Variants in GRK5 observed in about 807,000 individuals in gnomAD.
GRK5 encodes the protein g protein-coupled receptor kinase GRK5.
Under a neutral mutation model 78.4 loss-of-function variants are expected in GRK5, and 40 were observed. That is an observed-to-expected ratio of 0.51 (90% CI 0.40 to 0.66). The LOEUF is 0.66. Among genes scored for constraint, GRK5 ranks in the 30% least tolerant of loss-of-function variants. The pLI, the probability that GRK5 is intolerant of heterozygous loss-of-function variation, is 0.00. For synonymous variants in GRK5, 289 were observed against 296.8 expected (o/e 0.97, Z 0.27); for missense variants, 598 against 759.9 (o/e 0.79, Z 2.50).
intron 1 of GRK5, among the ~76,000 whole-genome samples, chr10:119,230,434 A>G (rs1000253409): frequency 6.6e-6 from 1 of 152,168 alleles, no homozygotes; most frequent in African/African-American, 2.4e-5. Context: ...CAATCATGGC[A>G]GAAGGCAAGG....
At position 119,313,066 on chromosome 10, in the gene GRK5, T is replaced by TGAC. The variant is rs1273298284; in HGVS notation, c.53-13449_53-13448insACG. Among the ~76,000 whole-genome samples, 10 of 151,330 alleles carry TGAC rather than the reference T, an allele frequency of 6.6e-5. No homozygotes were observed. In the East Asian group the frequency reaches 7.8e-4, roughly 12 times the overall value. On this transcript the variant is annotated intron_variant, in intron 1 of 15. Transcript: ENST00000392870. The stretch of plus-strand genomic sequence containing the variant: ...GTGGTGGTGGTAATGATGATGGTGG[T>TGAC]GGTGATGGTGGTGGTGGTGGTGATG...
intron 1 of GRK5, among the ~76,000 whole-genome samples, chr10:119,306,401 G>A (rs999197401): frequency 1.3e-5 from 2 of 152,142 alleles, no homozygotes; most frequent in Non-Finnish European, 1.5e-5. Flanking sequence ...GCGCATGTGC[G>A]CTTCTTCTAG....
intron 1 of GRK5, among the ~76,000 whole-genome samples, chr10:119,290,073 G>A (rs1040900120): frequency 2.6e-5 from 4 of 152,134 alleles, no homozygotes; most frequent in African/African-American, 9.7e-5. Context: ...CCGGCTGGGC[G>A]TGATGGCTCA....
Position 119,291,932 on chromosome 10 carries a change from T to TTTCCTCCTCTTTTTCCTCCTC in GRK5, c.53-34564_53-34563insCTTCCTCCTCTTTTTCCTCCT, listed in dbSNP as rs1554903424. On this transcript the variant is annotated intron_variant, in intron 1 of 15. Coordinates refer to ENST00000392870, the MANE Select transcript of GRK5 (RefSeq NM_005308.3). The stretch of plus-strand genomic sequence containing the variant: ...TCCTCCTCTTCTTCTTCCTCCTTCT[T>TTTCCTCCTCTTTTTCCTCCTC]TTCCTCCTCTTTTTCCTCCTTCTCC... 2.9e-3 allele frequency among the ~76,000 whole-genome samples: 258 copies of TTTCCTCCTCTTTTTCCTCCTC among 89,520 alleles called. 10 individuals carry two copies. The highest frequency in any genetic ancestry group is 4.2e-3 in the Non-Finnish European group (194 of 45,822). The allele number at this position is 89,520 out of a possible 152,430, so 58.7% of individuals were successfully genotyped here.
intron 2 of GRK5, among the ~76,000 whole-genome samples, chr10:119,332,432 T>C (rs1405613174): frequency 1.3e-5 from 2 of 152,200 alleles, no homozygotes; most frequent in Non-Finnish European, 1.5e-5. Context: ...GAACTTGTCA[T>C]GAACCTGAGT....
Position 119,423,222 on chromosome 10 carries a change from G to A in GRK5, c.396G>A (p.Lys132=). The A allele has an allele frequency of 1.2e-6, 2 of 1,614,160 alleles. No homozygotes were observed. The highest frequency in any genetic ancestry group is 1.6e-4 in the Middle Eastern group (1 of 6,062). Residue 132 remains lysine, a synonymous_variant, in exon 5 of 16, where the codon AAG becomes AAA. Transcript: ENST00000392870. ...ACCTGGTCTCCCAGACGGAGGAGAA[G>A]CTCCTACAGAAGCCGTGCAAAGAAC... ...GQDLVSQTEE[K]LLQKPCKELF... is the part of the protein sequence containing the mutation.
intron 2 of GRK5, among the ~76,000 whole-genome samples, chr10:119,363,518 G>A (rs555520470): frequency 3.8e-4 from 58 of 152,336 alleles, no homozygotes; most frequent in Non-Finnish European, 6.9e-4. Flanking sequence ...TAAACAAGGT[G>A]GAAGCCGGTT....
intron 11 of GRK5, among the ~76,000 whole-genome samples, chr10:119,443,218 C>T (rs1335427115): frequency 6.6e-6 from 1 of 152,128 alleles, no homozygotes; most frequent in Non-Finnish European, 1.5e-5. Flanking sequence ...CACCTTTATT[C>T]ATTGAAACAA....
At chr10:119,220,384 TAAGG>T (rs1848638729) in intron 1 of GRK5, among the ~76,000 whole-genome samples, 1 of 152,198 alleles carries the variant, frequency 6.6e-6, no homozygotes, top group Admixed American at 6.5e-5. Flanking sequence ...AAATATAAAT[TAAGG>T]AAGGAGAAAC....
At chr10:119,409,075 G>A (rs1346046288) in intron 4 of GRK5, among the ~76,000 whole-genome samples, 3 of 152,202 alleles carry the variant, frequency 2.0e-5, no homozygotes, top group African/African-American at 4.8e-5. Context: ...TCGGGCTGAC[G>A]TCCAGAGGCT....
Position 119,452,701 on chromosome 10 carries a change from G to C in GRK5, c.1435G>C (p.Asp479His), listed in dbSNP as rs540786452. Residue 479 changes from aspartate (D) to histidine (H), a missense_variant, in exon 14 of 16, where the codon GAC becomes CAC. Coordinates refer to ENST00000392870, the MANE Select transcript of GRK5 (RefSeq NM_005308.3). The surrounding 1 kb of genome is among the most constrained non-coding windows in gnomAD (Gnocchi z 4.4). ...PRAVYCKDVL[D>H]IEQFSTVKGV... ...CGCTGTGTACTGTAAGGACGTGCTG[G>C]ACATCGAGCAGTTCTCCACTGTGAA... The C allele has an allele frequency of 6.2e-7, 1 of 1,614,022 alleles. No individual in the cohort carries two copies. The highest frequency in any genetic ancestry group is 1.3e-5 in the African/African-American group (1 of 74,940).
chr10:119,297,006 C>A (rs1850092832), intron 1 of GRK5, among the ~76,000 whole-genome samples: 1 of 152,256 alleles, frequency 6.6e-6, no homozygotes, highest in Non-Finnish European at 1.5e-5. Context: ...GCTCCCCTCA[C>A]ACCAAGATAG....
chr10:119,396,471 G>T (rs1852054627), intron 3 of GRK5, among the ~76,000 whole-genome samples: 1 of 152,206 alleles, frequency 6.6e-6, no homozygotes, highest in Admixed American at 6.5e-5. Context: ...TCTGCATGGA[G>T]CACCGCCATC....
chr10:119,231,584 G>A (rs1024349360), intron 1 of GRK5, among the ~76,000 whole-genome samples: 1 of 151,674 alleles, frequency 6.6e-6, no homozygotes, highest in Non-Finnish European at 1.5e-5. Flanking sequence ...GTGGATGCCT[G>A]TAATCCCAGC....
In GRK5 at chr10:119,208,672, A is replaced by T. The variant is rs558215023; in HGVS notation, c.52+703A>T. 7.2e-5 allele frequency: 11 copies of T among 152,266 alleles called. No individual in the cohort carries two copies. The East Asian group carries it at 2.1e-3, about 29-fold the overall frequency. 9.4% of individuals were successfully genotyped at this position (152,266 alleles called of 1,614,324 possible). A position where few individuals can be genotyped will look rare whatever the true frequency, so the allele number is the denominator to read the frequency against. On this transcript the variant is annotated intron_variant, in intron 1 of 15. Coordinates refer to ENST00000392870, the MANE Select transcript of GRK5 (RefSeq NM_005308.3). Reference sequence around the variant, plus strand: ...AAAGGTAAGTGTGCTGGTGCTTTAGATACGTTTTCTATGCAAATCATTAGA... The same window carrying T: ...AAAGGTAAGTGTGCTGGTGCTTTAGTTACGTTTTCTATGCAAATCATTAGA...
intron 1 of GRK5, among the ~76,000 whole-genome samples, chr10:119,247,076 G>A (rs1413294409): frequency 1.3e-5 from 2 of 152,190 alleles, no homozygotes; most frequent in Non-Finnish European, 2.9e-5. Context: ...ATGAGGTGGT[G>A]CTTGGCAATG....
At chr10:119,242,353 G>A (rs1589697567) in intron 1 of GRK5, among the ~76,000 whole-genome samples, 1 of 151,916 alleles carries the variant, frequency 6.6e-6, no homozygotes, top group East Asian at 1.9e-4. Flanking sequence ...CAGGAATGAT[G>A]TAGGTTTTTC....
Position 119,441,574 on chromosome 10 carries a change from G to A in GRK5, c.968-425G>A, listed in dbSNP as rs930816602. On this transcript the variant is annotated intron_variant, in intron 10 of 15. Transcript: ENST00000392870. Reference sequence around the variant, plus strand: ...TCTCCAGAGACCAACAAGGCAGGCCGGGGAGCTGCTTCCCAAATCGTTTTA... The same window carrying A: ...TCTCCAGAGACCAACAAGGCAGGCCAGGGAGCTGCTTCCCAAATCGTTTTA... 2.6e-5 allele frequency among the ~76,000 whole-genome samples: 4 copies of A among 152,322 alleles called. No individual in the cohort carries two copies. In the South Asian group the frequency reaches 6.2e-4, roughly 24 times the overall value.
chr10:119,375,527 C>T (rs1851609945), intron 2 of GRK5, among the ~76,000 whole-genome samples: 3 of 152,222 alleles, frequency 2.0e-5, no homozygotes, highest in South Asian at 2.1e-4. Flanking sequence ...GTTACATAGA[C>T]ATTGTTATGT....
Sources: allele counts gnomAD v4.1 joint callset (sites outside exome capture counted in the v4.1 genomes callset), GRCh38; gene constraint gnomAD v4.1.1; non-coding constraint Gnocchi (gnomAD v3.1); transcripts MANE v1.5; gene names NCBI Gene and HGNC (gene_info 2026-07-23, HGNC 2026-07-21).